Variants in TBC1D22A observed in about 807,000 individuals in gnomAD.
TBC1D22A encodes TBC1 domain family member 22A.
TBC1D22A carries 38 observed loss-of-function variants against 60.2 expected under a neutral mutation model. The observed-to-expected ratio is 0.63, with a 90% CI of 0.49 to 0.83. The LOEUF (loss-of-function observed/expected upper bound fraction) is 0.83. Ranked by LOEUF, TBC1D22A falls within the 40% of genes least tolerant of loss-of-function variation. TBC1D22A has a pLI of 0.00. For synonymous variants in TBC1D22A, 302 were observed against 281.7 expected, an observed-to-expected ratio of 1.07 and a Z score of -0.72; for missense variants, 628 against 701.0, an observed-to-expected ratio of 0.90 and a Z score of 1.18.
rs3884803 is a variant in TBC1D22A, at chr22:47,060,238, CTT to C, written c.1329+23060_1329+23061del. On this transcript the variant is annotated intron_variant, in intron 11 of 12. Coordinates refer to ENST00000337137, the MANE Select transcript of TBC1D22A (RefSeq NM_014346.5). Reference sequence around the variant, plus strand: ...TGCGGCCCCTGCTAAGGGTTTCTGACTTTTTTTTTTTTTTTTTTTTTGAGATG... The same window carrying C: ...TGCGGCCCCTGCTAAGGGTTTCTGACTTTTTTTTTTTTTTTTTTTGAGATG... Among the ~76,000 whole-genome samples, 481 of 111,618 alleles carry C rather than the reference CTT, an allele frequency of 4.3e-3. 10 individuals are homozygous for C. In the South Asian group the frequency reaches 0.073, roughly 17 times the overall value. 73.2% of individuals were successfully genotyped at this position (111,618 alleles called of 152,430 possible). A position where few individuals can be genotyped will look rare whatever the true frequency, so the allele number is the denominator to read the frequency against.
chr22:46,900,476 C>G (rs186335386), intron 7 of TBC1D22A, among the ~76,000 whole-genome samples: 14 of 152,158 alleles, frequency 9.2e-5, no homozygotes, highest in African/African-American at 3.4e-4. Flanking sequence ...AGGTGTGTAC[C>G]AGCTCCCTAA....
At chr22:46,770,642 A>G (rs1357419344) in intron 1 of TBC1D22A, among the ~76,000 whole-genome samples, 1 of 152,196 alleles carries the variant, frequency 6.6e-6, no homozygotes, top group East Asian at 1.9e-4. Flanking sequence ...AACCCAGGGG[A>G]CTGAAGTCAG....
chr22:47,121,204 T>C (rs993484424), intron 12 of TBC1D22A, among the ~76,000 whole-genome samples: 14 of 152,244 alleles, frequency 9.2e-5, no homozygotes, highest in African/African-American at 3.4e-4. Context: ...CTCTCTCAAA[T>C]AAGCACCGCT....
At chr22:47,171,731 G>A (rs1444151026) in intron 12 of TBC1D22A, among the ~76,000 whole-genome samples, 1 of 152,182 alleles carries the variant, frequency 6.6e-6, no homozygotes, top group Non-Finnish European at 1.5e-5. Context: ...GGGAGGGCGG[G>A]GCTGTCAGGC....
At chr22:46,833,922 T>C (rs1246027061) in intron 4 of TBC1D22A, among the ~76,000 whole-genome samples, 1 of 152,158 alleles carries the variant, frequency 6.6e-6, no homozygotes, top group Non-Finnish European at 1.5e-5. Flanking sequence ...AGGAATTGGG[T>C]TTTTGTTCCC....
intron 4 of TBC1D22A, among the ~76,000 whole-genome samples, chr22:46,869,275 A>C (rs1298075828): frequency 6.6e-6 from 1 of 152,220 alleles, no homozygotes; most frequent in Non-Finnish European, 1.5e-5. Context: ...CCTTCTTCAG[A>C]GAAGAGACCA....
chr22:47,103,623 G>T (rs779573655), intron 11 of TBC1D22A, among the ~76,000 whole-genome samples: 4 of 152,248 alleles, frequency 2.6e-5, no homozygotes, highest in Non-Finnish European at 4.4e-5. Context: ...GTGCAGAGAG[G>T]GCTGACGTGC....
intron 11 of TBC1D22A, 70 bp from the exon 12 acceptor site, chr22:47,111,438 A>G: frequency 2.8e-6 from 4 of 1,407,138 alleles, no homozygotes; most frequent in Non-Finnish European, 3.0e-6. Context: ...TGACTGTCGC[A>G]GATAACCTCG....
chr22:47,076,410 T>C lies in TBC1D22A; in HGVS notation c.1330-35098T>C, dbSNP rs73888863. 9.2e-3 allele frequency among the ~76,000 whole-genome samples: 958 copies of C among 103,646 alleles called. 8 individuals are homozygous for C. The highest frequency in any genetic ancestry group is 0.011 in the Middle Eastern group (2 of 184). The allele number at this position is 103,646 out of a possible 152,430, so 68.0% of individuals were successfully genotyped here. On this transcript the variant is annotated intron_variant, in intron 11 of 12. Transcript: ENST00000337137. ...ACACACACACACACACACACACACA[T>C]ATATATATATATATGTTTTCCCATG...
chr22:47,040,638 A>G (rs925656751), intron 11 of TBC1D22A, among the ~76,000 whole-genome samples: 1 of 151,512 alleles, frequency 6.6e-6, no homozygotes, highest in African/African-American at 2.4e-5. Context: ...GCTGCTGGGG[A>G]GGTGAGGATG....
chr22:47,162,233 G>T (rs1474851624), intron 12 of TBC1D22A, among the ~76,000 whole-genome samples: 6 of 143,870 alleles, frequency 4.2e-5, no homozygotes, highest in African/African-American at 1.5e-4. Flanking sequence ...TTTGTGTATT[G>T]AACTTACCGG....
At chr22:46,909,061 C>T (rs1296361608) in intron 7 of TBC1D22A, among the ~76,000 whole-genome samples, 1 of 152,128 alleles carries the variant, frequency 6.6e-6, no homozygotes, top group Non-Finnish European at 1.5e-5. Context: ...GACTTGGGCT[C>T]CCCTCGGCAT....
At chr22:46,919,523 A>C (rs745594800) in intron 8 of TBC1D22A, among the ~76,000 whole-genome samples, 3 of 152,110 alleles carry the variant, frequency 2.0e-5, no homozygotes, top group Admixed American at 6.5e-5. Context: ...CTTCGTGTAG[A>C]TATGTGTTTC....
chr22:46,992,206 G>C (rs1307121251), intron 9 of TBC1D22A, among the ~76,000 whole-genome samples: 1 of 152,256 alleles, frequency 6.6e-6, no homozygotes, highest in East Asian at 1.9e-4. Flanking sequence ...ACTCCATCAA[G>C]GGGTAAAGTC....
At chr22:46,808,657 C>T (rs971022667) in intron 4 of TBC1D22A, among the ~76,000 whole-genome samples, 4 of 151,936 alleles carry the variant, frequency 2.6e-5, no homozygotes, top group East Asian at 3.9e-4. Context: ...TGCAGTGGCG[C>T]GATGTTGGCT....
chr22:46,988,504 A>G (rs1858750766), intron 9 of TBC1D22A, among the ~76,000 whole-genome samples: 1 of 152,242 alleles, frequency 6.6e-6, no homozygotes. Flanking sequence ...TGCAGAACGA[A>G]TATGGCATCA....
At position 46,990,234 on chromosome 22, in the gene TBC1D22A, C is replaced by T. The variant is rs959891357; in HGVS notation, c.1126-7400C>T. On this transcript the variant is annotated intron_variant, in intron 9 of 12. Coordinates refer to ENST00000337137, the MANE Select transcript of TBC1D22A (RefSeq NM_014346.5). This position sits in a 1 kb window ranked among gnomAD's most constrained non-coding sequence, Gnocchi z 4.6. ...AATCTGTCCAACCTAATTATTTATA[C>T]GGTTGGGGTTTAGGTTGCCATTTTC... 2.4e-4 allele frequency among the ~76,000 whole-genome samples: 37 copies of T among 152,308 alleles called. No homozygotes were observed. The highest frequency in any genetic ancestry group is 1.5e-3 in the Admixed American group (23 of 15,300).
At chr22:47,054,889 C>A (rs1201899538) in intron 11 of TBC1D22A, among the ~76,000 whole-genome samples, 1 of 152,190 alleles carries the variant, frequency 6.6e-6, no homozygotes, top group Middle Eastern at 3.2e-3. Flanking sequence ...AGGGCACAGA[C>A]CGTGGGGTGT....
intron 10 of TBC1D22A, among the ~76,000 whole-genome samples, chr22:47,018,161 C>A (rs1028359786): frequency 9.9e-5 from 15 of 152,252 alleles, no homozygotes; most frequent in African/African-American, 3.1e-4. Context: ...TTCCTGCTTC[C>A]CCTGCGTCAG....
Sources: allele counts gnomAD v4.1 joint callset (sites outside exome capture counted in the v4.1 genomes callset), GRCh38; gene constraint gnomAD v4.1.1; non-coding constraint Gnocchi (gnomAD v3.1); transcripts MANE v1.5; gene names NCBI Gene and HGNC (gene_info 2026-07-23, HGNC 2026-07-21).